Variants in CLEC16A observed in about 807,000 individuals in gnomAD.
The protein encoded by CLEC16A is protein CLEC16A.
Under a neutral mutation model 109.5 loss-of-function variants are expected in CLEC16A, and 51 were observed. The ratio of observed to expected loss-of-function variants is 0.47; its 90% CI spans 0.37 to 0.59. The LOEUF (loss-of-function observed/expected upper bound fraction) is 0.59. Among genes scored for constraint, CLEC16A ranks in the 20% least tolerant of loss-of-function variants. CLEC16A has a pLI of 0.00. For missense variants in CLEC16A, 1,339 were observed against 1,394.0 expected, an observed-to-expected ratio of 0.96 and a Z score of 0.63; for synonymous variants, 673 against 564.2, an observed-to-expected ratio of 1.19 and a Z score of -2.73.
chr16:10,980,884 T>C (rs35498631), intron 9 of CLEC16A, among the ~76,000 whole-genome samples: 24,637 of 152,220 alleles, frequency 0.16, 2,434 homozygotes, highest in South Asian at 0.24. Flanking sequence ...AATCATTGCA[T>C]ACTTGCAAAT....
intron 19 of CLEC16A, among the ~76,000 whole-genome samples, chr16:11,115,583 G>A (rs1056451687): frequency 6.6e-6 from 1 of 152,162 alleles, no homozygotes; most frequent in African/African-American, 2.4e-5. Context: ...ATGTTGCACA[G>A]GCCGGTGTGG....
At chr16:11,088,220 T>G (rs2050116601) in intron 19 of CLEC16A, among the ~76,000 whole-genome samples, 1 of 152,220 alleles carries the variant, frequency 6.6e-6, no homozygotes, top group African/African-American at 2.4e-5. Context: ...CCTCCTGCAC[T>G]TCTGCAGCAG....
In CLEC16A at chr16:10,961,976, T is replaced by TC. The variant is rs933887974; in HGVS notation, c.210-479_210-478insC. 3.3e-5 allele frequency among the ~76,000 whole-genome samples: 5 copies of TC among 150,796 alleles called. 1 individual carries two copies. The highest frequency in any genetic ancestry group is 1.2e-4 in the African/African-American group (5 of 40,978). The stretch of plus-strand genomic sequence containing the variant: ...TTTTTTTTCTTTTTTTTCTTTTTTT[T>TC]TTTTTTGGCTCTGTCACCCAGGCTG... On this transcript the variant is annotated intron_variant, in intron 2 of 23. Transcript: ENST00000409790. This position sits in a 1 kb window ranked among gnomAD's most constrained non-coding sequence, Gnocchi z 4.3.
chr16:11,087,793 C>T (rs898859442), intron 19 of CLEC16A, among the ~76,000 whole-genome samples: 1 of 152,260 alleles, frequency 6.6e-6, no homozygotes, highest in African/African-American at 2.4e-5. Context: ...CACCGAGGCC[C>T]AGAGAGGAGG....
chr16:11,141,105 A>G (rs1484216747), intron 22 of CLEC16A, among the ~76,000 whole-genome samples: 2 of 152,230 alleles, frequency 1.3e-5, no homozygotes, highest in Non-Finnish European at 2.9e-5. Flanking sequence ...TCCCAGCTTC[A>G]TGGCCCTGGC....
intron 4 of CLEC16A, among the ~76,000 whole-genome samples, chr16:10,970,886 C>G (rs1490297350): frequency 5.9e-5 from 9 of 152,338 alleles, no homozygotes; most frequent in Non-Finnish European, 1.2e-4. Context: ...GTAGCTGGTA[C>G]TATGGGTGTG....
chr16:11,098,356 G>A (rs541553794), intron 19 of CLEC16A, among the ~76,000 whole-genome samples: 223 of 152,352 alleles, frequency 1.5e-3, no homozygotes, highest in African/African-American at 5.2e-3. Context: ...AAGGGACAGG[G>A]GACCAAGTGG....
At chr16:11,114,267 G>A (rs74821031) in intron 19 of CLEC16A, among the ~76,000 whole-genome samples, 4,246 of 151,590 alleles carry the variant, frequency 0.028, 206 homozygotes, top group African/African-American at 0.098. Flanking sequence ...TGTATCTTTG[G>A]CCTCTTAAAT....
intron 12 of CLEC16A, among the ~76,000 whole-genome samples, chr16:11,023,687 G>C (rs1309889656): frequency 6.6e-6 from 1 of 151,616 alleles, no homozygotes; most frequent in Non-Finnish European, 1.5e-5. Flanking sequence ...TCAAAACTGT[G>C]TCAAAGGTTA....
intron 12 of CLEC16A, among the ~76,000 whole-genome samples, chr16:11,022,369 C>T (rs1255625158): frequency 1.0e-5 from 1 of 98,896 alleles, no homozygotes; most frequent in Admixed American, 1.4e-4. Flanking sequence ...TTTGCAAAGA[C>T]AGGATCCTAC....
rs1011281325 is a variant in CLEC16A, at chr16:11,033,894, G to A, written c.1538-5860G>A. ...TTCTGTAATAGAAAATGCAGCCTTCGCTCTTCTATCAAGTCCGCTGAGTCC... is the reference window on the plus strand; with the variant it reads ...TTCTGTAATAGAAAATGCAGCCTTCACTCTTCTATCAAGTCCGCTGAGTCC... On this transcript the variant is annotated intron_variant, in intron 13 of 23. Transcript: ENST00000409790. Among the ~76,000 whole-genome samples the A allele has an allele frequency of 8.5e-5, 13 of 152,272 alleles. No homozygotes were observed. In the South Asian group the frequency reaches 1.5e-3, roughly 17 times the overall value.
chr16:11,049,329 G>T (rs925000650), intron 17 of CLEC16A, among the ~76,000 whole-genome samples: 7 of 151,980 alleles, frequency 4.6e-5, no homozygotes, highest in African/African-American at 1.7e-4. Flanking sequence ...AATCCGTAAG[G>T]TGGGGGATCC....
chr16:11,171,360 C>T (rs1200277379), intron 23 of CLEC16A, among the ~76,000 whole-genome samples: 1 of 152,182 alleles, frequency 6.6e-6, no homozygotes, highest in Non-Finnish European at 1.5e-5. Flanking sequence ...CAGTGCTGGC[C>T]CCAGACCAAA....
At chr16:11,068,873 G>A (rs916464652) in intron 19 of CLEC16A, among the ~76,000 whole-genome samples, 13 of 152,170 alleles carry the variant, frequency 8.5e-5, no homozygotes, top group African/African-American at 3.1e-4. Flanking sequence ...GGAGTGCAGA[G>A]GCACAATCTC....
At chr16:11,000,134 G>A (rs914119444) in intron 10 of CLEC16A, among the ~76,000 whole-genome samples, 3 of 152,138 alleles carry the variant, frequency 2.0e-5, no homozygotes, top group Non-Finnish European at 4.4e-5. Context: ...CACCACGCCC[G>A]GCCTCTGAAT....
At chr16:11,134,894 G>A (rs7206445) in intron 22 of CLEC16A, among the ~76,000 whole-genome samples, 5,766 of 152,246 alleles carry the variant, frequency 0.038, 130 homozygotes, top group African/African-American at 0.049. Flanking sequence ...CCCCTCTTCC[G>A]TCATCCACCC....
intron 10 of CLEC16A, among the ~76,000 whole-genome samples, chr16:10,991,714 C>A (rs1409525352): frequency 6.6e-6 from 1 of 152,210 alleles, no homozygotes; most frequent in East Asian, 1.9e-4. Context: ...GTACGGGAAT[C>A]AAACACATAT....
chr16:11,073,296 C>T (rs965240074), intron 19 of CLEC16A, among the ~76,000 whole-genome samples: 5 of 152,120 alleles, frequency 3.3e-5, no homozygotes, highest in African/African-American at 1.2e-4. Flanking sequence ...TTTAATGGAG[C>T]AGCTGCTCAT....
chr16:10,990,770 G>A (rs1408526208), intron 10 of CLEC16A, among the ~76,000 whole-genome samples: 1 of 152,214 alleles, frequency 6.6e-6, no homozygotes, highest in Non-Finnish European at 1.5e-5. Flanking sequence ...TTCTGATTGC[G>A]TTGGGCCATT....
Sources: gnomAD v4.1 joint callset for allele counts (sites outside exome capture counted in the v4.1 genomes callset) on GRCh38, gnomAD v4.1.1 for gene constraint, Gnocchi (gnomAD v3.1) non-coding constraint, MANE v1.5 for transcripts, NCBI Gene and HGNC (gene_info 2026-07-23, HGNC 2026-07-21) for gene names.